Variants in RELN observed in about 807,000 individuals in gnomAD.
RELN encodes the protein reelin.
RELN carries 108 observed loss-of-function variants against 427.6 expected under a neutral mutation model. The observed-to-expected ratio is 0.25, with a 90% CI of 0.22 to 0.30. The LOEUF (loss-of-function observed/expected upper bound fraction) is 0.30. Ranked by LOEUF, RELN falls within the 10% of genes least tolerant of loss-of-function variation. The pLI, the probability that RELN is intolerant of heterozygous loss-of-function variation, is 1.00. For synonymous variants in RELN, 1,524 were observed against 1,513.4 expected, an observed-to-expected ratio of 1.01 and a Z score of -0.16; for missense variants, 3,715 against 4,302.8, an observed-to-expected ratio of 0.86 and a Z score of 3.82.
In RELN at chr7:103,701,313, T is replaced by C. The variant is rs577151896; in HGVS notation, c.806-307A>G. Among the ~76,000 whole-genome samples the C allele has an allele frequency of 3.3e-5, 5 of 152,194 alleles. No individual in the cohort carries two copies. In the South Asian group the frequency reaches 8.3e-4, roughly 25 times the overall value. On this transcript the variant is annotated intron_variant, in intron 8 of 64. Transcript: ENST00000428762. ...TATGCCAAGAAATAACTAAATATTA[T>C]GGGGTGACTTATAAGGTCATTATGG...
chr7:103,945,036 G>A (rs191933346), intron 1 of RELN, among the ~76,000 whole-genome samples: 35 of 152,224 alleles, frequency 2.3e-4, no homozygotes, highest in Admixed American at 1.9e-3. Flanking sequence ...GTTCTACCTG[G>A]CAGTGCCTCC....
intron 1 of RELN, among the ~76,000 whole-genome samples, chr7:103,935,854 C>T (rs1032616355): frequency 6.6e-6 from 1 of 152,150 alleles, no homozygotes; most frequent in Non-Finnish European, 1.5e-5. Context: ...TATTCCACCA[C>T]TCCCAATTTG....
At chr7:103,736,502 T>C (rs1324957992) in intron 6 of RELN, among the ~76,000 whole-genome samples, 1 of 152,204 alleles carries the variant, frequency 6.6e-6, no homozygotes, top group Non-Finnish European at 1.5e-5. Context: ...CATTTATAGC[T>C]CATTCTTTCT....
chr7:103,948,021 T>A (rs1796254418), intron 1 of RELN, among the ~76,000 whole-genome samples: 1 of 152,184 alleles, frequency 6.6e-6, no homozygotes, highest in Admixed American at 6.5e-5. Context: ...ATCATTTTCA[T>A]CAGATGAATA....
At chr7:103,599,974 G>A (rs568630220) in intron 24 of RELN, among the ~76,000 whole-genome samples, 2 of 152,266 alleles carry the variant, frequency 1.3e-5, no homozygotes, top group East Asian at 1.9e-4. Context: ...ACAGCTCACC[G>A]CAACCTCAAA....
chr7:103,577,845 T>C (rs984976887), intron 28 of RELN, among the ~76,000 whole-genome samples: 5 of 152,240 alleles, frequency 3.3e-5, no homozygotes, highest in Non-Finnish European at 7.3e-5. Flanking sequence ...TTCTTTTTTA[T>C]GTTTCTATGA....
At chr7:103,515,073 C>T in intron 50 of RELN, 112 bp downstream of exon 50, 1 of 1,355,946 alleles carries the variant, frequency 7.4e-7, no homozygotes, top group Non-Finnish European at 1.0e-6. Flanking sequence ...TTCAGCGTTT[C>T]TACACCACTG....
At chr7:103,739,552 G>A (rs553530206) in intron 6 of RELN, among the ~76,000 whole-genome samples, 164 of 152,328 alleles carry the variant, frequency 1.1e-3, no homozygotes, top group African/African-American at 3.7e-3. Context: ...TGGAATTGAT[G>A]CAATTCATGT....
intron 9 of RELN, among the ~76,000 whole-genome samples, chr7:103,700,085 GA>G (rs933521013): frequency 1.3e-5 from 2 of 151,748 alleles, no homozygotes; most frequent in Non-Finnish European, 2.9e-5. Flanking sequence ...ATAGCTAGTA[GA>G]AAAAAAGAGA....
intron 3 of RELN, among the ~76,000 whole-genome samples, chr7:103,794,914 C>A (rs1208712042): frequency 6.6e-6 from 1 of 152,106 alleles, no homozygotes; most frequent in Non-Finnish European, 1.5e-5. Context: ...AGAACTCAGC[C>A]CATATCAAAA....
At chr7:103,906,777 C>A (rs1321872376) in intron 2 of RELN, among the ~76,000 whole-genome samples, 7 of 152,174 alleles carry the variant, frequency 4.6e-5, no homozygotes, top group Admixed American at 4.6e-4. Flanking sequence ...TGGCCTATCT[C>A]TCCTGAGTGG....
chr7:103,869,574 T>G (rs1794279263), intron 2 of RELN, among the ~76,000 whole-genome samples: 1 of 152,142 alleles, frequency 6.6e-6, no homozygotes, highest in South Asian at 2.1e-4. Context: ...TTTAGCAATT[T>G]AATAGTGTCA....
At chr7:103,641,392 C>A (rs1333666833) in intron 16 of RELN, among the ~76,000 whole-genome samples, 1 of 152,136 alleles carries the variant, frequency 6.6e-6, no homozygotes, top group African/African-American at 2.4e-5. Flanking sequence ...GTAGCCTATG[C>A]TCCTATAAGC....
At chr7:103,885,686 A>G (rs1280998038) in intron 2 of RELN, among the ~76,000 whole-genome samples, 1 of 152,194 alleles carries the variant, frequency 6.6e-6, no homozygotes, top group African/African-American at 2.4e-5. Flanking sequence ...AAGTATGCCT[A>G]TGTAACAAAC....
At chr7:103,915,616 C>T (rs1377555357) in intron 2 of RELN, among the ~76,000 whole-genome samples, 1 of 152,106 alleles carries the variant, frequency 6.6e-6, no homozygotes, top group African/African-American at 2.4e-5. Flanking sequence ...CCTGGATAAA[C>T]ATTAGAACCA....
intron 27 of RELN, among the ~76,000 whole-genome samples, chr7:103,592,567 A>G (rs754100865): frequency 1.3e-5 from 2 of 152,138 alleles, no homozygotes; most frequent in African/African-American, 2.4e-5. Flanking sequence ...TGCTGGGTCA[A>G]ATGGTAGAGA....
intron 57 of RELN, among the ~76,000 whole-genome samples, chr7:103,494,393 G>GTGTGTGTGTGTGTGTGTGTGTGTGT (rs60783765): frequency 2.3e-4 from 34 of 150,968 alleles, no homozygotes; most frequent in South Asian, 4.2e-4. Flanking sequence ...GTGTGTGTGT[G>GTGTGTGTGTGTGTGTGTGTGTGTGT]GGATATGGTC....
At chr7:103,823,849 T>A (rs985041761) in intron 3 of RELN, among the ~76,000 whole-genome samples, 7 of 151,034 alleles carry the variant, frequency 4.6e-5, no homozygotes, top group Non-Finnish European at 1.0e-4. Flanking sequence ...TGCTTTAACA[T>A]GGGCCATGTG....
chr7:103,481,709 T>C (rs1205367134), intron 63 of RELN, among the ~76,000 whole-genome samples: 2 of 152,200 alleles, frequency 1.3e-5, no homozygotes, highest in Non-Finnish European at 2.9e-5. Context: ...TTTTGGTCTA[T>C]TTGGAAATCT....
Sources: allele counts gnomAD v4.1 joint callset (sites outside exome capture counted in the v4.1 genomes callset), GRCh38; gene constraint gnomAD v4.1.1; transcripts MANE v1.5; gene names NCBI Gene and HGNC (gene_info 2026-07-23, HGNC 2026-07-21).